The following ACTR5 variants were observed in gnomAD, a reference collection of about 807,000 sequenced individuals.
ACTR5 encodes actin related protein 5, also known as actin-related protein 5.
Under a neutral mutation model 61.2 loss-of-function variants are expected in ACTR5, and 43 were observed. The ratio of observed to expected loss-of-function variants is 0.70; its 90% CI spans 0.55 to 0.91. The LOEUF (loss-of-function observed/expected upper bound fraction) is 0.91, where lower values mean the gene tolerates loss of function less well. Among genes scored for constraint, ACTR5 ranks in the 40% least tolerant of loss-of-function variants. The pLI is 0.00. For missense variants in ACTR5, 798 were observed against 782.2 expected, an observed-to-expected ratio of 1.02 and a Z score of -0.24; for synonymous variants, 333 against 310.5, an observed-to-expected ratio of 1.07 and a Z score of -0.76.
rs547023818 is a variant in ACTR5, at chr20:38,754,838, C to T, written c.776-119C>T. 595 of 920,628 alleles carry T rather than the reference C, an allele frequency of 6.5e-4. 3 individuals carry two copies. The highest frequency in any genetic ancestry group is 3.7e-3 in the South Asian group (228 of 61,588). 57.0% of individuals were successfully genotyped at this position (920,628 alleles called of 1,614,324 possible). A position where few individuals can be genotyped will look rare whatever the true frequency, so the allele number is the denominator to read the frequency against. The stretch of plus-strand genomic sequence containing the variant: ...TCTCCTGACCTCGTGATCCGCCCAC[C>T]TCGGCTCCCCAAAGTGCTGGGATTA... On this transcript the variant is annotated intron_variant, in intron 3 of 8. Coordinates refer to ENST00000243903, the MANE Select transcript of ACTR5 (RefSeq NM_024855.4).
intron 5 of ACTR5, among the ~76,000 whole-genome samples, chr20:38,761,264 G>A (rs1451569375): frequency 6.6e-6 from 1 of 152,100 alleles, no homozygotes. Flanking sequence ...ATCAGGTGGA[G>A]CTTTTCAGCA....
At chr20:38,756,643 G>A (rs574038517) in intron 5 of ACTR5, among the ~76,000 whole-genome samples, 8 of 152,298 alleles carry the variant, frequency 5.3e-5, no homozygotes, top group East Asian at 1.9e-4. Flanking sequence ...GCTGGCTCAC[G>A]CTTGTAATCC....
chr20:38,772,268 A>AT lies in ACTR5; in HGVS notation c.*453dup, dbSNP rs536455107. 4.0e-3 allele frequency: 688 copies of AT among 173,004 alleles called. 4 individuals carry two copies. Among genetic ancestry groups the AT allele is most frequent in the African/African-American group, 0.015 (651 of 42,096 alleles). The allele number at this position is 173,004 out of a possible 1,614,324, so 10.7% of individuals were successfully genotyped here. A position where few individuals can be genotyped will look rare whatever the true frequency, so the allele number is the denominator to read the frequency against. ...AATGCCCAGTGAGGGGAGGTCTTTC[A>AT]TGCATATAAAAAGGTAATGTTTATT... is the stretch of plus-strand genomic sequence containing the variant. On this transcript the variant is annotated 3_prime_UTR_variant, in exon 9 of 9. Transcript: ENST00000243903.
chr20:38,753,890 T>A (rs1284737858), intron 3 of ACTR5, among the ~76,000 whole-genome samples: 3 of 143,704 alleles, frequency 2.1e-5, no homozygotes, highest in Admixed American at 6.9e-5. Flanking sequence ...TTTTTTTTTT[T>A]AAAGTATTTT....
intron 8 of ACTR5, 39 bp from the exon 9 acceptor site, chr20:38,771,520 G>T: frequency 6.3e-7 from 1 of 1,589,660 alleles, no homozygotes; most frequent in South Asian, 1.2e-5. Flanking sequence ...CACTCCTGGA[G>T]CCCTGGTGGA....
In ACTR5 at chr20:38,748,466, C is replaced by G; in HGVS notation, c.-13C>G. 2.0e-6 allele frequency: 3 copies of G among 1,469,790 alleles called. No homozygotes were observed. The highest frequency in any genetic ancestry group is 1.5e-5 in the African/African-American group (1 of 67,882). 91.0% of individuals were successfully genotyped at this position (1,469,790 alleles called of 1,614,324 possible). A position where few individuals can be genotyped will look rare whatever the true frequency, so the allele number is the denominator to read the frequency against. The stretch of plus-strand genomic sequence containing the variant: ...CACTGCGCCGAGGGGCGGGGCTGGA[C>G]GCGCGCTCCAAGATGGCGGCGAACG... On this transcript the variant is annotated 5_prime_UTR_variant, in exon 1 of 9. Transcript: ENST00000243903.
chr20:38,766,176 C>A, intron 6 of ACTR5, 62 bp from the exon 7 acceptor site: 1 of 1,552,670 alleles, frequency 6.4e-7, no homozygotes, highest in South Asian at 1.2e-5. Context: ...TTTGAGGAAA[C>A]TAGCAACTGG....
chr20:38,758,850 T>C (rs2084436235), intron 5 of ACTR5, among the ~76,000 whole-genome samples: 2 of 152,220 alleles, frequency 1.3e-5, no homozygotes. Context: ...ATGAATTGAA[T>C]CAATATATGT....
At chr20:38,750,606 GT>G (rs11478491) in intron 2 of ACTR5, among the ~76,000 whole-genome samples, 75,703 of 140,314 alleles carry the variant, frequency 0.54, 19,936 homozygotes, top group South Asian at 0.65. Context: ...AGTTTTTTTT[GT>G]TTTTTTTTTG....
At chr20:38,762,577 G>A (rs558088515) in intron 5 of ACTR5, among the ~76,000 whole-genome samples, 10 of 152,238 alleles carry the variant, frequency 6.6e-5, no homozygotes, top group African/African-American at 1.4e-4. Flanking sequence ...AATCTGCTCC[G>A]GAGCCCAAGT....
chr20:38,752,092 C>G, intron 2 of ACTR5, 39 bp from the exon 3 acceptor site: 4 of 1,590,182 alleles, frequency 2.5e-6, no homozygotes, highest in Non-Finnish European at 3.4e-6. Flanking sequence ...TTTCTGTCCT[C>G]CAGAAATTTC....
At chr20:38,760,165 A>G (rs1486384373) in intron 5 of ACTR5, among the ~76,000 whole-genome samples, 1 of 150,852 alleles carries the variant, frequency 6.6e-6, no homozygotes, top group East Asian at 1.9e-4. Flanking sequence ...AAAAAAAAAA[A>G]GAAAAGGAAG....
At chr20:38,749,872 T>G in intron 1 of ACTR5, 138 bp from the exon 2 acceptor site, 1 of 659,080 alleles carries the variant, frequency 1.5e-6, no homozygotes, top group Non-Finnish European at 2.6e-6. Context: ...ATGGGAGTTT[T>G]ATAATCGCCT....
intron 5 of ACTR5, among the ~76,000 whole-genome samples, chr20:38,764,444 A>C (rs78546562): frequency 3.9e-4 from 60 of 152,232 alleles, no homozygotes; most frequent in African/African-American, 1.4e-3. Context: ...ACCATCCCCA[A>C]CTTATTTTGT....
At chr20:38,770,825 T>C (rs964541213) in intron 8 of ACTR5, among the ~76,000 whole-genome samples, 1 of 152,234 alleles carries the variant, frequency 6.6e-6, no homozygotes, top group African/African-American at 2.4e-5. Context: ...TTGTGCATGT[T>C]GATTCCACTG....
intron 2 of ACTR5, among the ~76,000 whole-genome samples, chr20:38,751,602 TTAC>T (rs1233285681): frequency 1.3e-5 from 2 of 152,240 alleles, no homozygotes; most frequent in African/African-American, 4.8e-5. Context: ...GCTCTGCCAC[TTAC>T]TTTCTCACAT....
intron 5 of ACTR5, among the ~76,000 whole-genome samples, chr20:38,757,739 A>T (rs1016223060): frequency 1.3e-5 from 2 of 150,950 alleles, no homozygotes; most frequent in Admixed American, 6.6e-5. Flanking sequence ...GCTGTCGATT[A>T]TGTGAGGACA....
At chr20:38,767,005 A>G (rs2084490793) in intron 7 of ACTR5, among the ~76,000 whole-genome samples, 1 of 152,208 alleles carries the variant, frequency 6.6e-6, no homozygotes, top group African/African-American at 2.4e-5. Context: ...GTGATCAAAC[A>G]TGTCTTAGAT....
At position 38,751,456 on chromosome 20, in the gene ACTR5, CAT is replaced by C. The variant is rs1409904860; in HGVS notation, c.606-672_606-671del. Among the ~76,000 whole-genome samples, 6 of 152,288 alleles carry C rather than the reference CAT, an allele frequency of 3.9e-5. No individual in the cohort carries two copies. In the East Asian group the frequency reaches 5.8e-4, roughly 15 times the overall value. On this transcript the variant is annotated intron_variant, in intron 2 of 8. Coordinates refer to ENST00000243903, the MANE Select transcript of ACTR5 (RefSeq NM_024855.4). ...CAGAATATGCAAAAATAAAAAGTAA[CAT>C]ATTTTATATTGAGAGAAAATTACCT...
Sources: gnomAD v4.1 joint callset for allele counts (sites outside exome capture counted in the v4.1 genomes callset) on GRCh38, gnomAD v4.1.1 for gene constraint, MANE v1.5 for transcripts, NCBI Gene and HGNC (gene_info 2026-07-23, HGNC 2026-07-21) for gene names.